PPP2R2A: variants seen among roughly 807,000 people sequenced by gnomAD.
PPP2R2A encodes protein phosphatase 2 regulatory subunit Balpha, also known as serine/threonine-protein phosphatase 2A 55 kDa regulatory subunit B alpha isoform.
PPP2R2A carries 9 observed loss-of-function variants against 53.2 expected under a neutral mutation model. That is an observed-to-expected ratio of 0.17 (90% CI 0.10 to 0.30). The LOEUF (loss-of-function observed/expected upper bound fraction) is 0.30. Among genes scored for constraint, PPP2R2A ranks in the 10% least tolerant of loss-of-function variants. PPP2R2A has a pLI of 1.00. For missense variants in PPP2R2A, 235 were observed against 534.6 expected, an observed-to-expected ratio of 0.44 and a Z score of 5.53; for synonymous variants, 169 against 174.2, an observed-to-expected ratio of 0.97 and a Z score of 0.23.
At chr8:26,366,656 A>G (rs1181343191) in intron 9 of PPP2R2A, among the ~76,000 whole-genome samples, 6 of 152,100 alleles carry the variant, frequency 3.9e-5, no homozygotes, top group Non-Finnish European at 5.9e-5. Flanking sequence ...ACCAGATCAC[A>G]TTTCTGACAT....
intron 3 of PPP2R2A, among the ~76,000 whole-genome samples, chr8:26,349,698 A>G (rs916937928): frequency 1.3e-5 from 2 of 152,206 alleles, no homozygotes; most frequent in Admixed American, 6.5e-5. Context: ...AGAACTTCCT[A>G]CGCTTCCACA....
At chr8:26,319,479 A>T (rs2117261354) in intron 2 of PPP2R2A, among the ~76,000 whole-genome samples, 1 of 152,280 alleles carries the variant, frequency 6.6e-6, no homozygotes, top group South Asian at 2.1e-4. Flanking sequence ...TTTTTATAAG[A>T]ATTTTATACT....
chr8:26,297,564 T>G (rs575795138), intron 2 of PPP2R2A, among the ~76,000 whole-genome samples: 22 of 152,226 alleles, frequency 1.4e-4, no homozygotes, highest in Non-Finnish European at 2.9e-4. Flanking sequence ...GACAGTAGGT[T>G]AAGAGCACAG....
intron 2 of PPP2R2A, among the ~76,000 whole-genome samples, chr8:26,333,742 A>G (rs1369084907): frequency 6.6e-6 from 1 of 152,212 alleles, no homozygotes; most frequent in Non-Finnish European, 1.5e-5. Flanking sequence ...CTTATAATAC[A>G]TAAGAAACAG....
intron 9 of PPP2R2A, among the ~76,000 whole-genome samples, chr8:26,368,788 CAG>C (rs1436747959): frequency 1.3e-5 from 2 of 152,066 alleles, no homozygotes; most frequent in Non-Finnish European, 2.9e-5. Flanking sequence ...ACCCGGGTGA[CAG>C]AGTGAAACCC....
At chr8:26,339,094 T>A (rs1054964866) in intron 3 of PPP2R2A, 107 bp downstream of exon 3, 2 of 830,814 alleles carry the variant, frequency 2.4e-6, no homozygotes, top group Non-Finnish European at 3.9e-6. Context: ...AAAAGAAGTG[T>A]GTGTTTATTG....
At chr8:26,346,853 A>G (rs138905731) in intron 3 of PPP2R2A, among the ~76,000 whole-genome samples, 400 of 152,342 alleles carry the variant, frequency 2.6e-3, no homozygotes, top group African/African-American at 8.9e-3. Flanking sequence ...TGGAAAGGAC[A>G]TTGAAGACTA....
chr8:26,297,110 C>A (rs373191993), intron 2 of PPP2R2A, among the ~76,000 whole-genome samples: 3 of 152,082 alleles, frequency 2.0e-5, no homozygotes, highest in African/African-American at 7.2e-5. Context: ...AGCCCAAATT[C>A]TTTTGGTGTG....
At chr8:26,368,674 G>T (rs187125158) in intron 9 of PPP2R2A, among the ~76,000 whole-genome samples, 16 of 152,250 alleles carry the variant, frequency 1.1e-4, no homozygotes, top group Non-Finnish European at 2.1e-4. Flanking sequence ...GGCAGCATAT[G>T]CCTGTAGTCA....
intron 1 of PPP2R2A, chr8:26,293,356 CT>C (rs1801396592): frequency 1.5e-6 from 2 of 1,323,196 alleles, no homozygotes; most frequent in African/African-American, 1.5e-5. Flanking sequence ...TTGGTATTTA[CT>C]TTTTTTCTGG....
intron 3 of PPP2R2A, among the ~76,000 whole-genome samples, chr8:26,351,642 A>T (rs995784226): frequency 6.6e-6 from 1 of 152,164 alleles, no homozygotes; most frequent in African/African-American, 2.4e-5. Context: ...GTCGAGCTTC[A>T]TTTTATTTCC....
chr8:26,302,975 T>A (rs1801855166), intron 2 of PPP2R2A, among the ~76,000 whole-genome samples: 1 of 152,150 alleles, frequency 6.6e-6, no homozygotes, highest in Non-Finnish European at 1.5e-5. Context: ...AAAATTTGAG[T>A]TGTTGGTTTA....
chr8:26,368,977 G>A (rs1019415837), intron 9 of PPP2R2A, among the ~76,000 whole-genome samples: 3 of 151,172 alleles, frequency 2.0e-5, no homozygotes, highest in African/African-American at 4.9e-5. Flanking sequence ...GCGTGGTGGC[G>A]GACGCCTGTA....
At chr8:26,343,454 C>T (rs1804054140) in intron 3 of PPP2R2A, among the ~76,000 whole-genome samples, 1 of 151,580 alleles carries the variant, frequency 6.6e-6, no homozygotes, top group African/African-American at 2.4e-5. Context: ...TCACTGCAGC[C>T]TCCACCACCA....
chr8:26,293,528 C>A, intron 1 of PPP2R2A, 138 bp from the exon 2 acceptor site: 2 of 814,104 alleles, frequency 2.5e-6, no homozygotes, highest in Non-Finnish European at 3.8e-6. Flanking sequence ...TCTTTCCAAA[C>A]TGGTGCTCTT....
intron 2 of PPP2R2A, among the ~76,000 whole-genome samples, chr8:26,312,558 A>G (rs1802338754): frequency 2.0e-5 from 3 of 152,180 alleles, no homozygotes; most frequent in African/African-American, 7.2e-5. Context: ...ATCAGTTAAC[A>G]TTTCTTCTGT....
At chr8:26,291,910 C>T (rs939275131) in intron 1 of PPP2R2A, 84 bp downstream of exon 1, 3 of 1,569,552 alleles carry the variant, frequency 1.9e-6, no homozygotes, top group African/African-American at 2.7e-5. Context: ...CCGCCCGCGC[C>T]TCGCGCAGAG....
intron 2 of PPP2R2A, among the ~76,000 whole-genome samples, chr8:26,301,349 T>A (rs936012386): frequency 6.6e-6 from 1 of 151,474 alleles, no homozygotes; most frequent in Non-Finnish European, 1.5e-5. Context: ...TTTTTTTTTT[T>A]TGAGACGGGG....
chr8:26,291,729 C>G lies in PPP2R2A; in HGVS notation c.-91C>G. The G allele has an allele frequency of 1.4e-6, 2 of 1,406,950 alleles. No homozygotes were observed. The highest frequency in any genetic ancestry group is 1.9e-6 in the Non-Finnish European group (2 of 1,029,438). 87.2% of individuals were successfully genotyped at this position (1,406,950 alleles called of 1,614,324 possible). A position where few individuals can be genotyped will look rare whatever the true frequency, so the allele number is the denominator to read the frequency against. On this transcript the variant is annotated 5_prime_UTR_variant, in exon 1 of 10. Coordinates refer to ENST00000380737, the MANE Select transcript of PPP2R2A (RefSeq NM_002717.4). ...GCAGGTGCCATCCGCCGCCATCCGC[C>G]CTCTCTACCCCCCCATCCCCAGGTG...
Sources: gnomAD v4.1 joint callset for allele counts (sites outside exome capture counted in the v4.1 genomes callset) on GRCh38, gnomAD v4.1.1 for gene constraint, MANE v1.5 for transcripts, NCBI Gene and HGNC (gene_info 2026-07-23, HGNC 2026-07-21) for gene names.